Variants in FSIP2 observed in about 807,000 individuals in gnomAD.
FSIP2 encodes the protein fibrous sheath interacting protein 2.
A neutral mutation model predicts 510.5 loss-of-function variants in FSIP2; 367 were observed. That is an observed-to-expected ratio of 0.72 (90% CI 0.66 to 0.78). FSIP2 has a LOEUF of 0.78. FSIP2 is among the 30% of genes least tolerant of loss of function. The pLI is 0.00. For synonymous variants in FSIP2, 2,601 were observed against 2,732.2 expected (o/e 0.95, Z 1.50); for missense variants, 7,594 against 7,901.7 (o/e 0.96, Z 1.48).
At chr2:185,741,704 C>T (rs937295311) in intron 2 of FSIP2, among the ~76,000 whole-genome samples, 1 of 152,174 alleles carries the variant, frequency 6.6e-6, no homozygotes, top group Non-Finnish European at 1.5e-5. Flanking sequence ...ACCAGGGAAT[C>T]TAGCTTTCTG....
chr2:185,738,281 T>C (rs771254946), upstream of FSIP2: 13 of 300,494 alleles, frequency 4.3e-5, no homozygotes, highest in Non-Finnish European at 7.6e-5. Flanking sequence ...AAGAGGGAAA[T>C]AGGATCAAGC....
chr2:185,832,603 T>C (rs1471070929), intron 22 of FSIP2, among the ~76,000 whole-genome samples: 1 of 151,640 alleles, frequency 6.6e-6, no homozygotes, highest in African/African-American at 2.4e-5. Flanking sequence ...AAATAATAAT[T>C]TTGTTAAACT....
Position 185,806,490 on chromosome 2 carries a change from T to C in FSIP2, c.17184T>C (p.Ser5728=), listed in dbSNP as rs375247150. Residue 5728 remains serine (S), a synonymous_variant, in exon 17 of 23, where the codon TCT becomes TCC. Coordinates refer to ENST00000424728, the MANE Select transcript of FSIP2 (RefSeq NM_173651.4). ...AGATTAGCAGGGATTCGGCACAGTC[T>C]GTTACAACAAAAAAAGTATCCTCCT... is the stretch of plus-strand genomic sequence containing the variant. ...IQEISRDSAQ[S]VTTKKVSSST... 1.3e-5 allele frequency: 21 copies of C among 1,604,894 alleles called. No individual in the cohort carries two copies. The highest frequency in any genetic ancestry group is 1.7e-5 in the Non-Finnish European group (20 of 1,177,034).
In FSIP2 at chr2:185,744,411, A is replaced by G; in HGVS notation, c.477A>G (p.Gln159=). 1.1e-6 allele frequency: 1 copy of G among 880,192 alleles called. No homozygotes were observed. Among genetic ancestry groups the G allele is most frequent in the East Asian group, 3.2e-5 (1 of 31,066 alleles). The allele number at this position is 880,192 out of a possible 1,614,324, so 54.5% of individuals were successfully genotyped here. ...LDFERNYIKE[Q]RILAKQLHNI... ...TTGAGAGAAACTATATAAAAGAACA[A>G]GTAAGTTAAATACTTAAATTTGGTT... Residue 159 remains glutamine, a splice_region_variant and synonymous_variant, in exon 4 of 23, where the codon CAA becomes CAG. Transcript: ENST00000424728.
intron 7 of FSIP2, among the ~76,000 whole-genome samples, chr2:185,751,817 C>A (rs532957102): frequency 3.4e-4 from 52 of 151,080 alleles, no homozygotes; most frequent in African/African-American, 1.2e-3. Context: ...TGTATTATAC[C>A]ATTTCACATA....
rs1231244418 is a variant in FSIP2, at chr2:185,802,976, C to T, written c.13670C>T (p.Ser4557Phe). 2 of 1,530,370 alleles carry T rather than the reference C, an allele frequency of 1.3e-6. No homozygotes were observed. Among genetic ancestry groups the T allele is most frequent in the African/African-American group, 2.8e-5 (2 of 72,666 alleles). 94.8% of individuals were successfully genotyped at this position (1,530,370 alleles called of 1,614,324 possible). Residue 4557 changes from serine (S) to phenylalanine (F), a missense_variant, in exon 17 of 23, where the codon TCT becomes TTT. By Grantham distance (155) the Ser-to-Phe change is radical. Transcript: ENST00000424728. ...VFANVVQTSG[S>F]QESAVQNITS... ...GCAAATGTTGTGCAAACCTCTGGTT[C>T]TCAAGAATCAGCTGTGCAAAATATC... is the stretch of plus-strand genomic sequence containing the variant.
At chr2:185,765,990 A>C (rs1361003259) in intron 13 of FSIP2, 2 of 150,798 alleles carry the variant, frequency 1.3e-5, no homozygotes, top group Non-Finnish European at 3.0e-5. Flanking sequence ...TTGTACATTG[A>C]TTTTGTATCC....
intron 17 of FSIP2, among the ~76,000 whole-genome samples, chr2:185,810,557 T>A (rs1693705380): frequency 7.5e-6 from 1 of 133,904 alleles, no homozygotes; most frequent in Admixed American, 7.5e-5. Context: ...TTTTTTTTTT[T>A]TTTTTTATAA....
At position 185,747,419 on chromosome 2, in the gene FSIP2, G is replaced by T. The variant is rs1043030112; in HGVS notation, c.866G>T (p.Arg289Met). The stretch of plus-strand genomic sequence containing the variant: ...CATAGAAACAGAGAAGAGAGTGACA[G>T]GAAGGTAGGGTGAGCTTTAACCTCT... ...QQHRNREESD[R>M]KKQDLLEKKM... The change falls in exon 7 of 23, where the codon AGG becomes ATG. Residue 289 changes from arginine (R) to methionine (M), a missense_variant. Physicochemically the swap from Arg to Met is moderately conservative, Grantham distance 91 (BLOSUM62 -1). Transcript: ENST00000424728. 12 of 1,494,902 alleles carry T rather than the reference G, an allele frequency of 8.0e-6. No homozygotes were observed. Among genetic ancestry groups the T allele is most frequent in the Non-Finnish European group, 1.1e-5 (12 of 1,109,370 alleles). 92.6% of individuals were successfully genotyped at this position (1,494,902 alleles called of 1,614,324 possible). A position where few individuals can be genotyped will look rare whatever the true frequency, so the allele number is the denominator to read the frequency against.
rs755521716 is a variant in FSIP2, at chr2:185,801,554, T to A, written c.12248T>A (p.Ile4083Lys). The change falls in exon 17 of 23, where the codon ATA becomes AAA. Residue 4083 changes from isoleucine to lysine, a missense_variant. By Grantham distance (102) the Ile-to-Lys change is moderately radical. Coordinates refer to ENST00000424728, the MANE Select transcript of FSIP2 (RefSeq NM_173651.4). The part of the protein sequence containing the change: ...ASIAEQITNG[I>K]LLEILDYKLP... ...ATAGCAGAACAAATAACAAATGGCA[T>A]ATTGTTAGAGATTTTAGACTACAAA... The A allele has an allele frequency of 6.5e-7, 1 of 1,533,832 alleles. No homozygotes were observed. Among genetic ancestry groups the A allele is most frequent in the South Asian group, 1.2e-5 (1 of 83,980 alleles).
At position 185,828,198 on chromosome 2, in the gene FSIP2, AG is replaced by A; in HGVS notation, c.20517+1del. 6.4e-7 allele frequency: 1 copy of A among 1,561,902 alleles called. No homozygotes were observed. Among genetic ancestry groups the A allele is most frequent in the Non-Finnish European group, 8.8e-7 (1 of 1,134,392 alleles). On this transcript the variant is annotated frameshift_variant and splice_region_variant, in exon 21 of 23. Transcript: ENST00000424728. LOFTEE classifies it high-confidence loss of function. The part of the protein sequence containing the change: ...EQKPEHGNSV[K>X]FITIFERSKD... ...AAGCCAGAGCATGGAAACAGTGTTA[AG>A]GTAAGTATTTTTAACTAGCCTTAGT...
rs1177104702 is a variant in FSIP2, at chr2:185,792,456, A to G, written c.5320A>G (p.Ile1774Val). ...KIEVKLKEPH[I>V]SPIAPIIRNI... ...TGAAGTAAAACTCAAAGAACCACAT[A>G]TATCTCCAATTGCTCCCATTATAAG... Residue 1774 changes from isoleucine to valine, a missense_variant, in exon 16 of 23, where the codon ATA becomes GTA. Ile to Val is a conservative substitution (Grantham distance 29, BLOSUM62 3). Transcript: ENST00000424728. 13 of 1,531,198 alleles carry G rather than the reference A, an allele frequency of 8.5e-6. No homozygotes were observed. The Admixed American group carries it at 2.0e-4, about 23-fold the overall frequency. The allele number at this position is 1,531,198 out of a possible 1,614,324, so 94.9% of individuals were successfully genotyped here.
chr2:185,760,313 G>T (rs1419056769), intron 9 of FSIP2, among the ~76,000 whole-genome samples: 1 of 149,792 alleles, frequency 6.7e-6, no homozygotes, highest in Non-Finnish European at 1.5e-5. Context: ...ATGGTACAAC[G>T]ACATTGAAAA....
At chr2:185,747,528 C>T in intron 7 of FSIP2, 105 bp downstream of exon 7, 1 of 597,498 alleles carries the variant, frequency 1.7e-6, no homozygotes. Flanking sequence ...CCCAGTTACT[C>T]CAAATGATAT....
In FSIP2 at chr2:185,794,203, C is replaced by G. The variant is rs1385227386; in HGVS notation, c.7067C>G (p.Ala2356Gly). The G allele has an allele frequency of 1.3e-6, 2 of 1,534,580 alleles. No individual in the cohort carries two copies. The highest frequency in any genetic ancestry group is 1.7e-6 in the Non-Finnish European group (2 of 1,145,892). The change falls in exon 16 of 23, where the codon GCC becomes GGC. Residue 2356 changes from alanine to glycine, a missense_variant. Transcript: ENST00000424728. The part of the protein sequence containing the change: ...ARLKTYADVI[A>G]SAILKLIKND... ...CTTAAGACATATGCTGACGTCATTG[C>G]CAGTGCCATTTTGAAGCTTATTAAA...
rs1195863635 is a variant in FSIP2, at chr2:185,739,435, C to A, written c.189C>A (p.Ser63Arg). ...TCAAGCTGCCTGTGATCCCAGGAAGCAATGCTGTATTCTATACTACGAATT... is the reference window on the plus strand; with the variant it reads ...TCAAGCTGCCTGTGATCCCAGGAAGAAATGCTGTATTCTATACTACGAATT... ...LGVKLPVIPG[S>R]NAVFYTTNFG... Residue 63 changes from serine (S) to arginine (R), a missense_variant, in exon 2 of 23, where the codon AGC becomes AGA. Physicochemically the swap from Ser to Arg is moderately radical, Grantham distance 110. Transcript: ENST00000424728. 6.5e-7 allele frequency: 1 copy of A among 1,533,602 alleles called. No individual in the cohort carries two copies. The highest frequency in any genetic ancestry group is 8.7e-7 in the Non-Finnish European group (1 of 1,145,778). 95.0% of individuals were successfully genotyped at this position (1,533,602 alleles called of 1,614,324 possible). A position where few individuals can be genotyped will look rare whatever the true frequency, so the allele number is the denominator to read the frequency against.
chr2:185,800,052 G>A lies in FSIP2; in HGVS notation c.10746G>A (p.Met3582Ile). 1 of 1,529,966 alleles carries A rather than the reference G, an allele frequency of 6.5e-7. No individual in the cohort carries two copies. The highest frequency in any genetic ancestry group is 1.2e-5 in the South Asian group (1 of 83,514). 94.8% of individuals were successfully genotyped at this position (1,529,966 alleles called of 1,614,324 possible). Residue 3582 changes from methionine to isoleucine, a missense_variant, in exon 17 of 23, where the codon ATG becomes ATA. By Grantham distance (10) the Met-to-Ile change is conservative (BLOSUM62 1). Coordinates refer to ENST00000424728, the MANE Select transcript of FSIP2 (RefSeq NM_173651.4). ...KIIQADIAQK[M>I]VAIPTKYTYC... Reference sequence around the variant, plus strand: ...TACAGGCTGACATTGCACAGAAAATGGTTGCCATACCTACAAAATACACTT... The same window carrying A: ...TACAGGCTGACATTGCACAGAAAATAGTTGCCATACCTACAAAATACACTT...
intron 19 of FSIP2, among the ~76,000 whole-genome samples, chr2:185,816,130 C>A (rs1293680520): frequency 6.6e-6 from 1 of 151,770 alleles, no homozygotes. Context: ...TAAAATTATA[C>A]ACAACTTGGA....
rs751674952 is a variant in FSIP2 at position 185,808,572 on chromosome 2, C to T, written c.19266C>T (p.Val6422=). The T allele has an allele frequency of 2.7e-5, 44 of 1,611,954 alleles. No homozygotes were observed. The highest frequency in any genetic ancestry group is 4.0e-5 in the African/African-American group (3 of 74,806). The stretch of plus-strand genomic sequence containing the variant: ...ATACAGAAAGGATTTATCAGGTTGT[C>T]GATTCCGTTTATAGTAACATACTGC... ...PENTERIYQV[V]DSVYSNILQQ... The change falls in exon 17 of 23, where the codon GTC becomes GTT. Residue 6422 remains valine, a synonymous_variant. Transcript: ENST00000424728.
Sources: allele counts gnomAD v4.1 joint callset (sites outside exome capture counted in the v4.1 genomes callset), GRCh38; gene constraint gnomAD v4.1.1; transcripts MANE v1.5; gene names NCBI Gene and HGNC (gene_info 2026-07-23, HGNC 2026-07-21).